The following NDST3 variants were observed in gnomAD, a reference collection of about 807,000 sequenced individuals.
NDST3 encodes bifunctional heparan sulfate N-deacetylase/N-sulfotransferase 3.
NDST3 carries 58 observed loss-of-function variants against 96.1 expected under a neutral mutation model. That is an observed-to-expected ratio of 0.60 (90% CI 0.49 to 0.75). NDST3 has a LOEUF of 0.75. Among genes scored for constraint, NDST3 ranks in the 30% least tolerant of loss-of-function variants. The pLI is 0.00. For missense variants in NDST3, 788 were observed against 1,034.2 expected (o/e 0.76, Z 3.27); for synonymous variants, 333 against 359.7 (o/e 0.93, Z 0.84).
chr4:118,191,326 C>T (rs1737288462), intron 6 of NDST3, among the ~76,000 whole-genome samples: 3 of 152,166 alleles, frequency 2.0e-5, no homozygotes, highest in Admixed American at 1.3e-4. Flanking sequence ...CATAGGCAGA[C>T]ATCTTACAAA....
In NDST3 at chr4:118,121,818, G is replaced by A. The variant is rs372543430; in HGVS notation, c.1224+6858G>A. On this transcript the variant is annotated intron_variant, in intron 4 of 13. Coordinates refer to ENST00000296499, the MANE Select transcript of NDST3 (RefSeq NM_004784.3). Reference sequence around the variant, plus strand: ...TAGAAGTTCTGTATTTCACCTACATGAGGATACCCCCTCTTACCCATATCT... The same window carrying A: ...TAGAAGTTCTGTATTTCACCTACATAAGGATACCCCCTCTTACCCATATCT... Among the ~76,000 whole-genome samples, 27 of 152,216 alleles carry A rather than the reference G, an allele frequency of 1.8e-4. 1 individual carries two copies. The highest frequency in any genetic ancestry group is 6.2e-4 in the South Asian group (3 of 4,814).
intron 12 of NDST3, among the ~76,000 whole-genome samples, chr4:118,250,048 T>G (rs1443492586): frequency 6.6e-6 from 1 of 152,234 alleles, no homozygotes; most frequent in Non-Finnish European, 1.5e-5. Context: ...TCAATTCTTT[T>G]TTATTGTTAT....
chr4:118,203,660 T>A (rs982063576), intron 6 of NDST3, among the ~76,000 whole-genome samples: 3 of 152,226 alleles, frequency 2.0e-5, no homozygotes, highest in African/African-American at 7.2e-5. Flanking sequence ...TTTGGAATGT[T>A]CCATTGTAAT....
At chr4:118,200,440 T>C (rs1009674670) in intron 6 of NDST3, among the ~76,000 whole-genome samples, 1 of 152,134 alleles carries the variant, frequency 6.6e-6, no homozygotes, top group Non-Finnish European at 1.5e-5. Flanking sequence ...ACTCACCCTT[T>C]AGAGCAGTGA....
intron 8 of NDST3, among the ~76,000 whole-genome samples, chr4:118,232,673 GAA>G (rs766694036): frequency 6.8e-6 from 1 of 147,010 alleles, no homozygotes; most frequent in South Asian, 2.2e-4. Flanking sequence ...AGGAAAGAAA[GAA>G]AAGAAAAGGA....
At chr4:118,233,724 A>T (rs1740460630) in intron 9 of NDST3, among the ~76,000 whole-genome samples, 1 of 152,254 alleles carries the variant, frequency 6.6e-6, no homozygotes, top group Non-Finnish European at 1.5e-5. Flanking sequence ...CACAAAATAC[A>T]GTAATGTAGT....
chr4:118,053,863 A>G lies in NDST3; in HGVS notation c.-48A>G. ...AGCTGGAACACCATCTTTTCTTTTA[A>G]CTTTTTATGGTGCTTCTGTTGGCAT... On this transcript the variant is annotated 5_prime_UTR_variant, in exon 2 of 14. Transcript: ENST00000296499. 6.6e-7 allele frequency: 1 copy of G among 1,523,550 alleles called. No individual in the cohort carries two copies. Among genetic ancestry groups the G allele is most frequent in the South Asian group, 1.3e-5 (1 of 74,850 alleles). The allele number at this position is 1,523,550 out of a possible 1,614,324, so 94.4% of individuals were successfully genotyped here.
chr4:118,133,671 T>C (rs1034645562), intron 4 of NDST3, among the ~76,000 whole-genome samples: 8 of 152,218 alleles, frequency 5.3e-5, no homozygotes, highest in Admixed American at 4.6e-4. Context: ...CTCATAATTT[T>C]TAACTGCAGT....
intron 6 of NDST3, among the ~76,000 whole-genome samples, chr4:118,222,500 A>G (rs2125993265): frequency 6.6e-6 from 1 of 152,148 alleles, no homozygotes; most frequent in East Asian, 1.9e-4. Flanking sequence ...GCTTGAGTAC[A>G]GAGTCTAAAA....
At chr4:118,076,871 T>C (rs1483827765) in intron 2 of NDST3, among the ~76,000 whole-genome samples, 4 of 152,146 alleles carry the variant, frequency 2.6e-5, no homozygotes, top group African/African-American at 9.7e-5. Flanking sequence ...AGGGCACTGG[T>C]TTTTTGAGTT....
chr4:118,068,365 TA>T (rs1462709070), intron 2 of NDST3, among the ~76,000 whole-genome samples: 9 of 152,076 alleles, frequency 5.9e-5, no homozygotes, highest in Non-Finnish European at 1.2e-4. Flanking sequence ...AATCTACTGT[TA>T]ACTTGTAAAT....
At chr4:118,224,890 C>T (rs570135481) in intron 7 of NDST3, among the ~76,000 whole-genome samples, 6 of 152,192 alleles carry the variant, frequency 3.9e-5, no homozygotes, top group Non-Finnish European at 5.9e-5. Flanking sequence ...TTATGGGATT[C>T]GGAAAGTTCA....
At chr4:118,087,162 G>C (rs1728489603) in intron 2 of NDST3, among the ~76,000 whole-genome samples, 1 of 152,064 alleles carries the variant, frequency 6.6e-6, no homozygotes, top group African/African-American at 2.4e-5. Flanking sequence ...ACATGTCTGA[G>C]CTTTGGTTTC....
intron 2 of NDST3, among the ~76,000 whole-genome samples, chr4:118,056,590 A>G (rs998123367): frequency 8.6e-5 from 13 of 152,044 alleles, no homozygotes; most frequent in Non-Finnish European, 1.0e-4. Flanking sequence ...GAGTATAAAC[A>G]GTCATTCATG....
intron 2 of NDST3, among the ~76,000 whole-genome samples, chr4:118,062,289 A>C (rs1200715266): frequency 2.0e-5 from 3 of 152,126 alleles, no homozygotes; most frequent in African/African-American, 7.2e-5. Flanking sequence ...CACAATGCCT[A>C]ATTAAGTTCC....
chr4:118,153,779 G>A (rs28665669), intron 6 of NDST3, among the ~76,000 whole-genome samples: 10,085 of 151,984 alleles, frequency 0.066, 729 homozygotes, highest in African/African-American at 0.18. Flanking sequence ...AGCCGAAATC[G>A]CACCACTGCA....
At chr4:118,226,817 TG>T (rs1739909937) in intron 7 of NDST3, 68 bp from the exon 8 acceptor site, 1 of 1,068,650 alleles carries the variant, frequency 9.4e-7, no homozygotes, top group Non-Finnish European at 1.4e-6. Context: ...GAACACAAGT[TG>T]GAAAAGCTGG....
In NDST3 at chr4:118,098,655, TCTTTTCTCTGCTTTCACACAAAC is replaced by T. The variant is rs1251681612; in HGVS notation, c.982-6358_982-6336del. 2.0e-5 allele frequency among the ~76,000 whole-genome samples: 3 copies of T among 152,216 alleles called. No individual in the cohort carries two copies. In the East Asian group the frequency reaches 5.8e-4, roughly 29 times the overall value. ...AAGTAACTCAAGATTGCTCTATAAC[TCTTTTCTCTGCTTTCACACAAAC>T]CTTTGTCCTTACTCTGTTATTACAA... is the stretch of plus-strand genomic sequence containing the variant. On this transcript the variant is annotated intron_variant, in intron 2 of 13. Transcript: ENST00000296499.
intron 2 of NDST3, among the ~76,000 whole-genome samples, chr4:118,072,906 A>G (rs1727202640): frequency 1.3e-5 from 2 of 152,134 alleles, no homozygotes; most frequent in Admixed American, 6.6e-5. Flanking sequence ...TGTTCCTTCA[A>G]TGCCTAGTCT....
Sources: allele counts gnomAD v4.1 joint callset (sites outside exome capture counted in the v4.1 genomes callset), GRCh38; gene constraint gnomAD v4.1.1; transcripts MANE v1.5; gene names NCBI Gene and HGNC (gene_info 2026-07-23, HGNC 2026-07-21).